The following PCDH15 variants were observed in gnomAD, a reference collection of about 807,000 sequenced individuals.
The protein encoded by PCDH15 is protocadherin related 15.
Under a neutral mutation model 178.5 loss-of-function variants are expected in PCDH15, and 129 were observed. The ratio of observed to expected loss-of-function variants is 0.72; its 90% CI spans 0.63 to 0.84. The LOEUF (loss-of-function observed/expected upper bound fraction) is 0.84, where lower values mean the gene tolerates loss of function less well. PCDH15 is among the 40% of genes least tolerant of loss of function. The pLI, the probability that PCDH15 is intolerant of heterozygous loss-of-function variation, is 0.00. For missense variants in PCDH15, 2,230 were observed against 2,099.9 expected (o/e 1.06, Z -1.21); for synonymous variants, 800 against 732.0 (o/e 1.09, Z -1.50).
At chr10:55,089,619 T>C (rs1187554027) in intron 2 of PCDH15, among the ~76,000 whole-genome samples, 3 of 152,138 alleles carry the variant, frequency 2.0e-5, no homozygotes, top group Non-Finnish European at 4.4e-5. Context: ...ATTTGTATCA[T>C]TACAAATTGA....
intron 21 of PCDH15, among the ~76,000 whole-genome samples, chr10:53,991,239 G>A (rs565105647): frequency 6.6e-5 from 10 of 152,314 alleles, no homozygotes; most frequent in South Asian, 2.1e-4. Flanking sequence ...CTGCAGCCCC[G>A]GCGTGGGATC....
intron 20 of PCDH15, among the ~76,000 whole-genome samples, chr10:54,000,396 CA>C (rs1475884766): frequency 6.6e-6 from 1 of 151,892 alleles, no homozygotes; most frequent in Non-Finnish European, 1.5e-5. Flanking sequence ...ACAGAGAATT[CA>C]AAATAGTTGT....
intron 2 of PCDH15, among the ~76,000 whole-genome samples, chr10:55,456,796 AT>A (rs1471227491): frequency 6.6e-6 from 1 of 152,028 alleles, no homozygotes; most frequent in Non-Finnish European, 1.5e-5. Context: ...TTTGGAAACC[AT>A]AGATGATAGA....
intron 3 of PCDH15, among the ~76,000 whole-genome samples, chr10:54,527,365 C>T (rs2083454965): frequency 6.6e-6 from 1 of 152,086 alleles, no homozygotes; most frequent in South Asian, 2.1e-4. Context: ...TTAGGTTTTC[C>T]TATTAATCAG....
chr10:55,602,011 C>T (rs1205448721), intron 2 of PCDH15, among the ~76,000 whole-genome samples: 3 of 152,024 alleles, frequency 2.0e-5, no homozygotes, highest in African/African-American at 4.8e-5. Flanking sequence ...CCAGACACGG[C>T]GCAGGTCAGT....
intron 7 of PCDH15, among the ~76,000 whole-genome samples, chr10:54,320,314 A>G (rs928294464): frequency 5.3e-5 from 8 of 151,960 alleles, no homozygotes; most frequent in African/African-American, 1.9e-4. Context: ...ACTCCTAGAA[A>G]CCTAGTTTTT....
intron 2 of PCDH15, among the ~76,000 whole-genome samples, chr10:54,555,736 C>CAAAAAAAAAAAAAAAAAAAAAAAA (rs869032040): frequency 6.8e-5 from 5 of 73,340 alleles, no homozygotes; most frequent in Non-Finnish European, 1.1e-4. Flanking sequence ...GACTCTGTCT[C>CAAAAAAAAAAAAAAAAAAAAAAAA]AAAAAAAAAA....
At chr10:54,023,309 C>A in intron 18 of PCDH15, 112 bp from the exon 19 acceptor site, 1 of 980,090 alleles carries the variant, frequency 1.0e-6, no homozygotes, top group South Asian at 1.4e-5. Context: ...AATTATTTGG[C>A]CCTCTAAGGA....
chr10:55,121,469 C>A (rs557055497), intron 2 of PCDH15, among the ~76,000 whole-genome samples: 12 of 151,994 alleles, frequency 7.9e-5, no homozygotes, highest in Non-Finnish European at 1.6e-4. Flanking sequence ...TGAGTTAAGA[C>A]TTTTAGGGCT....
intron 2 of PCDH15, among the ~76,000 whole-genome samples, chr10:54,988,399 G>A (rs541676896): frequency 1.4e-4 from 21 of 152,260 alleles, no homozygotes; most frequent in African/African-American, 4.3e-4. Flanking sequence ...GGAACAGTTC[G>A]GAGGGCTCAG....
intron 15 of PCDH15, among the ~76,000 whole-genome samples, chr10:54,093,338 C>T (rs1448875066): frequency 5.3e-5 from 8 of 152,082 alleles, no homozygotes; most frequent in Non-Finnish European, 8.8e-5. Flanking sequence ...GTTCCAGGGT[C>T]GAGGGTGGTA....
At chr10:54,623,146 CATTGCGCTG>C (rs2093440864) in intron 2 of PCDH15, among the ~76,000 whole-genome samples, 1 of 151,932 alleles carries the variant, frequency 6.6e-6, no homozygotes, top group Admixed American at 6.6e-5. Flanking sequence ...TAGTTTCCAC[CATTGCGCTG>C]ACTTCTTGCC....
intron 32 of PCDH15, chr10:53,821,461 G>T: frequency 9.8e-7 from 1 of 1,020,648 alleles, no homozygotes; most frequent in South Asian, 3.8e-5. Flanking sequence ...GTAACAGTCT[G>T]CTTTTTTCTT....
chr10:54,828,914 G>T (rs934576795), intron 3 of PCDH15, among the ~76,000 whole-genome samples: 3 of 151,926 alleles, frequency 2.0e-5, no homozygotes, highest in Non-Finnish European at 4.4e-5. Flanking sequence ...AGACCTGAAT[G>T]TACTACACAT....
intron 3 of PCDH15, among the ~76,000 whole-genome samples, chr10:54,449,230 G>A (rs1403351532): frequency 4.0e-5 from 6 of 151,584 alleles, no homozygotes; most frequent in Non-Finnish European, 8.8e-5. Flanking sequence ...TTTTTGTTGT[G>A]GATTATTTTG....
At chr10:54,622,163 T>G (rs892415997) in intron 2 of PCDH15, among the ~76,000 whole-genome samples, 3 of 151,810 alleles carry the variant, frequency 2.0e-5, no homozygotes, top group Non-Finnish European at 4.4e-5. Flanking sequence ...ACCATCCCTG[T>G]CATAGGAAGA....
upstream of PCDH15, among the ~76,000 whole-genome samples, chr10:55,320,985 C>A (rs1311965905): frequency 6.6e-6 from 1 of 151,796 alleles, no homozygotes. Context: ...TCAATAAGAA[C>A]ACATATTATT....
At chr10:54,334,760 A>C (rs1274220241) in intron 6 of PCDH15, among the ~76,000 whole-genome samples, 1 of 152,120 alleles carries the variant, frequency 6.6e-6, no homozygotes, top group East Asian at 1.9e-4. Flanking sequence ...ACTTAGTACA[A>C]AAGTGCCTCA....
intron 1 of PCDH15, among the ~76,000 whole-genome samples, chr10:55,238,331 T>C (rs941618777): frequency 2.0e-5 from 3 of 151,884 alleles, no homozygotes; most frequent in Non-Finnish European, 4.4e-5. Flanking sequence ...CTTGTATTTT[T>C]AGTAGAGACG....
Sources: allele counts gnomAD v4.1 joint callset (sites outside exome capture counted in the v4.1 genomes callset), GRCh38; gene constraint gnomAD v4.1.1; transcripts MANE v1.5; gene names NCBI Gene and HGNC (gene_info 2026-07-23, HGNC 2026-07-21).